NDST4: variants seen among roughly 807,000 people sequenced by gnomAD.
NDST4 encodes N-deacetylase and N-sulfotransferase 4, also known as N-heparan sulfate sulfotransferase 4.
In NDST4, 63 loss-of-function variants were observed where a neutral mutation model predicts 100.8. The ratio of observed to expected loss-of-function variants is 0.62; its 90% CI spans 0.51 to 0.77. The LOEUF (loss-of-function observed/expected upper bound fraction) is 0.77. Ranked by LOEUF, NDST4 falls within the 30% of genes least tolerant of loss-of-function variation. NDST4 has a pLI of 0.00. For synonymous variants in NDST4, 377 were observed against 361.8 expected (o/e 1.04, Z -0.48); for missense variants, 943 against 1,018.4 (o/e 0.93, Z 1.01).
At chr4:114,858,164 C>T (rs1375268323) in intron 7 of NDST4, among the ~76,000 whole-genome samples, 6 of 152,154 alleles carry the variant, frequency 3.9e-5, no homozygotes, top group African/African-American at 1.2e-4. Flanking sequence ...ACAGTAACAG[C>T]AAATACTTTC....
intron 2 of NDST4, among the ~76,000 whole-genome samples, chr4:115,072,818 TA>T (rs921241791): frequency 1.3e-5 from 2 of 151,378 alleles, no homozygotes; most frequent in African/African-American, 4.8e-5. Flanking sequence ...GCAACAAAAG[TA>T]AAAAAACCAA....
At chr4:115,096,246 A>G (rs991252767) in intron 1 of NDST4, among the ~76,000 whole-genome samples, 2 of 143,798 alleles carry the variant, frequency 1.4e-5, no homozygotes, top group African/African-American at 2.6e-5. Flanking sequence ...ACTGTCCACC[A>G]AATCTACACT....
chr4:115,091,193 ATTTAT>A (rs565732196), intron 1 of NDST4, among the ~76,000 whole-genome samples: 29 of 152,170 alleles, frequency 1.9e-4, no homozygotes, highest in African/African-American at 6.7e-4. Flanking sequence ...CCAGTATCAT[ATTTAT>A]TTTATTTTAA....
chr4:114,917,746 C>T (rs565193212), intron 6 of NDST4, among the ~76,000 whole-genome samples: 6 of 152,270 alleles, frequency 3.9e-5, no homozygotes, highest in South Asian at 4.1e-4. Context: ...GAAGTTCACA[C>T]GGTAGCTCTG....
intron 4 of NDST4, among the ~76,000 whole-genome samples, chr4:114,949,630 G>A (rs1281208216): frequency 6.6e-6 from 1 of 151,984 alleles, no homozygotes; most frequent in African/African-American, 2.4e-5. Flanking sequence ...AGAAATAAAA[G>A]CTAAGGGCAG....
chr4:114,955,445 A>G (rs1246347370), intron 4 of NDST4, among the ~76,000 whole-genome samples: 1 of 152,214 alleles, frequency 6.6e-6, no homozygotes, highest in Non-Finnish European at 1.5e-5. Context: ...GGCTATCTTA[A>G]GTTAGCTTAG....
chr4:114,866,401 T>G (rs1724026595), intron 7 of NDST4, among the ~76,000 whole-genome samples: 1 of 152,204 alleles, frequency 6.6e-6, no homozygotes, highest in Non-Finnish European at 1.5e-5. Flanking sequence ...TGTTCCTAAT[T>G]GCCTATCAAA....
intron 2 of NDST4, among the ~76,000 whole-genome samples, chr4:115,071,525 A>C (rs146902338): frequency 2.0e-5 from 3 of 152,164 alleles, no homozygotes; most frequent in Non-Finnish European, 4.4e-5. Flanking sequence ...AATAGGGATG[A>C]CATTTGAATT....
At chr4:115,080,481 G>A (rs1199500419) in intron 1 of NDST4, among the ~76,000 whole-genome samples, 1 of 151,988 alleles carries the variant, frequency 6.6e-6, no homozygotes, top group East Asian at 1.9e-4. Context: ...AAAAGTCTTT[G>A]TTTCAAAACT....
intron 2 of NDST4, among the ~76,000 whole-genome samples, chr4:115,015,778 A>T (rs1042794014): frequency 7.2e-5 from 11 of 152,014 alleles, no homozygotes; most frequent in Non-Finnish European, 1.5e-4. Context: ...AATAAATGTT[A>T]TCCACGGGCT....
intron 6 of NDST4, among the ~76,000 whole-genome samples, chr4:114,917,920 A>T (rs2126217788): frequency 6.6e-6 from 1 of 152,344 alleles, no homozygotes; most frequent in African/African-American, 2.4e-5. Context: ...AGGTAAACAC[A>T]ATAAATGTCA....
At position 114,861,461 on chromosome 4, in the gene NDST4, A is replaced by G. The variant is rs78170981; in HGVS notation, c.1720-8640T>C. Reference sequence around the variant, plus strand: ...TTCTTTTTGTCCAGATTAGTTAGGCAAGATTAGTTAGGCAATTGGAGCAAG... The same window carrying G: ...TTCTTTTTGTCCAGATTAGTTAGGCGAGATTAGTTAGGCAATTGGAGCAAG... On this transcript the variant is annotated intron_variant, in intron 7 of 13. Coordinates refer to ENST00000264363, the MANE Select transcript of NDST4 (RefSeq NM_022569.3). Among the ~76,000 whole-genome samples, 797 of 152,262 alleles carry G rather than the reference A, an allele frequency of 5.2e-3. 3 individuals are homozygous for G. Among genetic ancestry groups the G allele is most frequent in the Non-Finnish European group, 7.3e-3 (497 of 68,024 alleles).
chr4:115,027,384 A>G (rs1329346722), intron 2 of NDST4, among the ~76,000 whole-genome samples: 1 of 152,130 alleles, frequency 6.6e-6, no homozygotes, highest in Non-Finnish European at 1.5e-5. Context: ...GTATCTCAAC[A>G]CTTATGGAGT....
chr4:115,001,393 GGA>G (rs1491398105), intron 2 of NDST4, among the ~76,000 whole-genome samples: 1 of 151,850 alleles, frequency 6.6e-6, no homozygotes, highest in African/African-American at 2.4e-5. Context: ...CTAATGCTGC[GGA>G]GAGCACAACC....
chr4:114,889,492 G>A (rs554791670), intron 6 of NDST4, among the ~76,000 whole-genome samples: 218 of 152,268 alleles, frequency 1.4e-3, no homozygotes, highest in African/African-American at 4.7e-3. Context: ...ACACTTTGGC[G>A]GAGATAATAA....
At chr4:114,834,023 T>C (rs1034783325) in intron 11 of NDST4, among the ~76,000 whole-genome samples, 14 of 152,224 alleles carry the variant, frequency 9.2e-5, no homozygotes, top group African/African-American at 3.1e-4. Flanking sequence ...TTTCCATTTG[T>C]TGTGTGATCA....
intron 2 of NDST4, among the ~76,000 whole-genome samples, chr4:115,006,722 G>T: frequency 6.6e-6 from 1 of 152,010 alleles, no homozygotes; most frequent in East Asian, 1.9e-4. Flanking sequence ...TGTACATAAG[G>T]AGAGGATTCT....
chr4:114,981,952 C>T (rs552007124), intron 2 of NDST4, among the ~76,000 whole-genome samples: 5 of 152,208 alleles, frequency 3.3e-5, no homozygotes, highest in Non-Finnish European at 7.4e-5. Flanking sequence ...AGGTTTAGCA[C>T]CATCTCCCTA....
chr4:114,913,729 A>G (rs1183208724), intron 6 of NDST4, among the ~76,000 whole-genome samples: 1 of 90,464 alleles, frequency 1.1e-5, no homozygotes, highest in East Asian at 2.6e-4. Flanking sequence ...ACCTATCTCC[A>G]AGAAAAAAAA....
Sources: gnomAD v4.1 joint callset for allele counts (sites outside exome capture counted in the v4.1 genomes callset) on GRCh38, gnomAD v4.1.1 for gene constraint, MANE v1.5 for transcripts, NCBI Gene and HGNC (gene_info 2026-07-23, HGNC 2026-07-21) for gene names.